Variants in ASXL1 observed in about 807,000 individuals in gnomAD.
ASXL1 encodes ASXL transcriptional regulator 1, also known as polycomb group protein ASXL1.
Under a neutral mutation model 89.1 loss-of-function variants are expected in ASXL1, and 65 were observed. That is an observed-to-expected ratio of 0.73 (90% CI 0.60 to 0.90). The LOEUF is 0.90. Ranked by LOEUF, ASXL1 falls within the 40% of genes least tolerant of loss-of-function variation. The pLI, the probability that ASXL1 is intolerant of heterozygous loss-of-function variation, is 0.00. For synonymous variants in ASXL1, 739 were observed against 746.9 expected, an observed-to-expected ratio of 0.99 and a Z score of 0.17; for missense variants, 1,786 against 1,942.9, an observed-to-expected ratio of 0.92 and a Z score of 1.52.
rs1316420792 is a variant in ASXL1 at position 32,434,057 on chromosome 20, A to G, written c.1719+140A>G. The G allele has an allele frequency of 6.4e-6, 8 of 1,249,130 alleles. No individual in the cohort carries two copies. The Admixed American group carries it at 9.1e-5, about 14-fold the overall frequency. The allele number at this position is 1,249,130 out of a possible 1,614,324, so 77.4% of individuals were successfully genotyped here. ...TTTTTATGAGAGGTTTGCTTGAGACAGCCTTCAAGTTTAGTGAGATAGGTT... is the reference window on the plus strand; with the variant it reads ...TTTTTATGAGAGGTTTGCTTGAGACGGCCTTCAAGTTTAGTGAGATAGGTT... On this transcript the variant is annotated intron_variant, in intron 12 of 12. Transcript: ENST00000375687.
In ASXL1 at chr20:32,437,436, T is replaced by C; in HGVS notation, c.*98T>C. On this transcript the variant is annotated 3_prime_UTR_variant, in exon 13 of 13. Transcript: ENST00000375687. ...ACAGAATATCATTGATATAATACTC[T>C]TTAGGCAGGAGCACTCTTGCCTTCC... The C allele has an allele frequency of 6.4e-7, 1 of 1,551,250 alleles. No individual in the cohort carries two copies. The highest frequency in any genetic ancestry group is 2.2e-5 in the East Asian group (1 of 44,526).
intron 4 of ASXL1, among the ~76,000 whole-genome samples, chr20:32,386,788 TC>T (rs1417287067): frequency 7.5e-5 from 3 of 40,150 alleles, no homozygotes; most frequent in Admixed American, 3.5e-4. Context: ...CCTCTCTCTC[TC>T]TTTTTTTTTT....
At chr20:32,399,464 G>A (rs2048830678) in intron 4 of ASXL1, among the ~76,000 whole-genome samples, 1 of 147,572 alleles carries the variant, frequency 6.8e-6, no homozygotes, top group African/African-American at 2.5e-5. Flanking sequence ...GATGTTCTTG[G>A]ATATGTCGGT....
At position 32,436,601 on chromosome 20, in the gene ASXL1, G is replaced by A. The variant is rs140137262; in HGVS notation, c.3889G>A (p.Val1297Ile). The A allele has an allele frequency of 1.7e-4, 267 of 1,614,208 alleles. 1 individual carries two copies. In the African/African-American group the frequency reaches 2.0e-3, roughly 12 times the overall value. Residue 1297 changes from valine (V) to isoleucine (I), a missense_variant, in exon 13 of 13, where the codon GTT (valine) becomes ATT (isoleucine). Val to Ile is a conservative substitution (Grantham distance 29). Around this residue, in one of 3 missense-constraint regions of ASXL1, gnomAD observed 1,418 missense variants for 1,427.8 expected, o/e 0.99. Transcript: ENST00000375687. ...TGRALGDQSN[V>I]TGQGKKLFGS... ...TCGGGCCCTGGGTGATCAGAGCAAT[G>A]TTACAGGCCAAGGGAAGAAGCTTTT...
At chr20:32,419,270 A>G (rs1174516427) in intron 4 of ASXL1, among the ~76,000 whole-genome samples, 1 of 151,998 alleles carries the variant, frequency 6.6e-6, no homozygotes, top group East Asian at 1.9e-4. Flanking sequence ...TGGTGCGATC[A>G]TAGCTCGCTG....
At chr20:32,358,965 C>A in intron 1 of ASXL1, 133 bp downstream of exon 1, 1 of 970,840 alleles carries the variant, frequency 1.0e-6, no homozygotes, top group Non-Finnish European at 1.5e-6. Context: ...CCTTTAAGAA[C>A]GGGACAGCCC....
In ASXL1 at chr20:32,436,466, G is replaced by A. The variant is rs183833909; in HGVS notation, c.3754G>A (p.Asp1252Asn). ...GAAGGAAGTCCGTGCTATGTCACAG[G>A]ACAGTAATTCAAATGCTGCTCCAGG... is the stretch of plus-strand genomic sequence containing the variant. ...DQKEVRAMSQDSNSNAAPGKS... is the reference protein window; with the variant it reads ...DQKEVRAMSQNSNSNAAPGKS... Residue 1252 changes from aspartate to asparagine, a missense_variant, in exon 13 of 13, where the codon GAC becomes AAC. Asp to Asn is a conservative substitution (Grantham distance 23, BLOSUM62 1). This residue lies in a region of ASXL1 where 1,418 missense variants were observed against 1,427.8 expected (regional missense o/e 0.99). Coordinates refer to ENST00000375687, the MANE Select transcript of ASXL1 (RefSeq NM_015338.6). 1 of 1,614,114 alleles carries A rather than the reference G, an allele frequency of 6.2e-7. No individual in the cohort carries two copies. Among genetic ancestry groups the A allele is most frequent in the Admixed American group, 1.7e-5 (1 of 60,028 alleles).
rs2011632037 is a variant in ASXL1, at chr20:32,434,012, A to G, written c.1719+95A>G. On this transcript the variant is annotated intron_variant, in intron 12 of 12. Transcript: ENST00000375687. ...CCTTAACTCTGGGGCCCTGAAGTTA[A>G]TTATGTGGGAATGTAGAGCTTTTTA... is the stretch of plus-strand genomic sequence containing the variant. 3 of 1,528,392 alleles carry G rather than the reference A, an allele frequency of 2.0e-6. No individual in the cohort carries two copies. The Admixed American group carries it at 5.1e-5, about 26-fold the overall frequency. 94.7% of individuals were successfully genotyped at this position (1,528,392 alleles called of 1,614,324 possible).
In ASXL1 at chr20:32,435,795, C is replaced by A. The variant is rs200702600; in HGVS notation, c.3083C>A (p.Ser1028Ter). Residue 1028 changes from serine (S) to a stop codon, truncating the protein, a stop_gained, in exon 13 of 13, where the codon TCG (serine) becomes TAG (stop). Transcript: ENST00000375687. LOFTEE classifies it low-confidence loss of function (END_TRUNC). ...GAAGCTGCAGTGACAAAGGGATCTT[C>A]GGTGGACAAGGATGAGAAACCCAAT... ...TREAAVTKGS[S>*]VDKDEKPNWN... The A allele has an allele frequency of 6.2e-7, 1 of 1,614,188 alleles. No individual in the cohort carries two copies. Among genetic ancestry groups the A allele is most frequent in the Non-Finnish European group, 8.5e-7 (1 of 1,180,042 alleles).
chr20:32,430,863 C>G (rs1379330755), intron 8 of ASXL1: 1 of 392,008 alleles, frequency 2.6e-6, no homozygotes, highest in East Asian at 4.4e-5. Flanking sequence ...TGGCTTTGAA[C>G]AGTCCTTAGT....
At chr20:32,359,322 C>T (rs1025634265) in intron 1 of ASXL1, 7 of 702,446 alleles carry the variant, frequency 1.0e-5, no homozygotes, top group African/African-American at 8.7e-5. Flanking sequence ...TGAGCTTTCC[C>T]AATCTAAACC....
chr20:32,413,450 TAAA>T (rs1470869823), intron 4 of ASXL1, among the ~76,000 whole-genome samples: 1 of 152,252 alleles, frequency 6.6e-6, no homozygotes, highest in Non-Finnish European at 1.5e-5. Flanking sequence ...AGATGGGAAA[TAAA>T]AAACAAAATG....
intron 4 of ASXL1, among the ~76,000 whole-genome samples, chr20:32,411,403 T>C (rs932284806): frequency 2.6e-5 from 4 of 151,520 alleles, no homozygotes; most frequent in African/African-American, 9.7e-5. Context: ...AATTTTTGTC[T>C]TTTTAGTAGA....
At chr20:32,403,511 C>T (rs547480797) in intron 4 of ASXL1, among the ~76,000 whole-genome samples, 58 of 152,204 alleles carry the variant, frequency 3.8e-4, no homozygotes, top group Admixed American at 1.0e-3. Context: ...AATTCCTGGG[C>T]TCAAGGGATC....
chr20:32,437,695 A>G lies in ASXL1; in HGVS notation c.*357A>G. ...GTTGCATTCTCCACCAAGGGAGTTA[A>G]CCTACCTGAACTAAGTAGAAATGCC... On this transcript the variant is annotated 3_prime_UTR_variant, in exon 13 of 13. Transcript: ENST00000375687. 1 of 363,382 alleles carries G rather than the reference A, an allele frequency of 2.8e-6. No homozygotes were observed. Among genetic ancestry groups the G allele is most frequent in the South Asian group, 3.9e-5 (1 of 25,932 alleles). 22.5% of individuals were successfully genotyped at this position (363,382 alleles called of 1,614,324 possible).
chr20:32,372,125 G>A, intron 4 of ASXL1: 1 of 1,344,288 alleles, frequency 7.4e-7, no homozygotes, highest in African/African-American at 1.5e-5. Flanking sequence ...CGTGCTTTAT[G>A]TGTGAACTGA....
chr20:32,372,065 G>A, intron 4 of ASXL1: 16 of 1,327,668 alleles, frequency 1.2e-5, no homozygotes, highest in Non-Finnish European at 1.5e-5. Flanking sequence ...CAGGAACTGA[G>A]TTTTATTTGT....
At chr20:32,434,335 C>CA in intron 12 of ASXL1, 97 bp from the exon 13 acceptor site, 1 of 1,422,014 alleles carries the variant, frequency 7.0e-7, no homozygotes, top group Non-Finnish European at 9.9e-7. Flanking sequence ...TTCTGTATGC[C>CA]ATGACCCTTA....
At position 32,435,266 on chromosome 20, in the gene ASXL1, TC is replaced by T. The variant is rs2011756539; in HGVS notation, c.2555del (p.Ser852TyrfsTer15). The T allele has an allele frequency of 6.2e-7, 1 of 1,613,982 alleles. No individual in the cohort carries two copies. The highest frequency in any genetic ancestry group is 8.5e-7 in the Non-Finnish European group (1 of 1,180,042). Reference sequence around the variant, plus strand: ...GACCCCCAGTTCCACACCTGAATCCTCACCGACTGATTGCCTGCAGAACAGA... The same window carrying T: ...GACCCCCAGTTCCACACCTGAATCCTACCGACTGATTGCCTGCAGAACAGA... The part of the protein sequence containing the change: ...NVTPSSTPES[S>X]PTDCLQNRAF... On this transcript the variant is annotated frameshift_variant, in exon 13 of 13. Coordinates refer to ENST00000375687, the MANE Select transcript of ASXL1 (RefSeq NM_015338.6). LOFTEE classifies it low-confidence loss of function (END_TRUNC).
Sources: allele counts gnomAD v4.1 joint callset (sites outside exome capture counted in the v4.1 genomes callset), GRCh38; gene constraint gnomAD v4.1.1; regional missense constraint gnomAD v4.1.1; transcripts MANE v1.5; gene names NCBI Gene and HGNC (gene_info 2026-07-23, HGNC 2026-07-21).